LRP1B: variants seen among roughly 807,000 people sequenced by gnomAD.
LRP1B encodes the protein LDL receptor related protein 1B.
LRP1B carries 217 observed loss-of-function variants against 556.6 expected under a neutral mutation model. That is an observed-to-expected ratio of 0.39 (90% CI 0.35 to 0.44). LRP1B has a LOEUF of 0.44. LRP1B is among the 20% of genes least tolerant of loss of function. LRP1B has a pLI of 1.00. For synonymous variants in LRP1B, 2,047 were observed against 1,865.8 expected (o/e 1.10, Z -2.50); for missense variants, 5,053 against 5,620.8 (o/e 0.90, Z 3.23).
Position 140,370,805 on chromosome 2 carries a change from C to G in LRP1B, c.10913G>C (p.Arg3638Pro). The G allele has an allele frequency of 2.5e-6, 4 of 1,612,554 alleles. No homozygotes were observed. The highest frequency in any genetic ancestry group is 3.4e-6 in the Non-Finnish European group (4 of 1,179,028). ...CVTECKEDQF[R>P]CKNKAHCIPI... is the part of the protein sequence containing the mutation. ...AATACAGTGGGCTTTATTTTTGCAC[C>G]GAAACTGATCTTCCTTACATTCAGT... Residue 3638 changes from arginine (R) to proline (P), a missense_variant, in exon 71 of 91, where the codon CGG becomes CCG. Arg to Pro is a moderately radical substitution (Grantham distance 103). This residue lies in a region of LRP1B where 599 missense variants were observed against 648.4 expected (regional missense o/e 0.92). Transcript: ENST00000389484.
chr2:141,776,535 C>T (rs542740369), intron 2 of LRP1B, among the ~76,000 whole-genome samples: 9 of 152,234 alleles, frequency 5.9e-5, no homozygotes, highest in African/African-American at 2.2e-4. Flanking sequence ...CTTTTTTAAA[C>T]TGGATTACAC....
chr2:141,455,411 C>T (rs142417167), intron 3 of LRP1B, among the ~76,000 whole-genome samples: 327 of 152,296 alleles, frequency 2.1e-3, no homozygotes, highest in Non-Finnish European at 3.7e-3. Flanking sequence ...TCTGTATCTT[C>T]TCAGTGTTCA....
chr2:141,805,872 G>C (rs1478472653), intron 2 of LRP1B: 2 of 152,118 alleles, frequency 1.3e-5, no homozygotes, highest in East Asian at 3.9e-4. Flanking sequence ...GGACAGGACA[G>C]AGAAGAGTCC....
At chr2:140,551,525 T>C (rs1422381748) in intron 43 of LRP1B, among the ~76,000 whole-genome samples, 1 of 152,146 alleles carries the variant, frequency 6.6e-6, no homozygotes, top group Admixed American at 6.6e-5. Context: ...TATAACACAT[T>C]CCTTTCTACA....
chr2:141,531,572 T>C (rs1258344890), intron 2 of LRP1B, among the ~76,000 whole-genome samples: 4 of 152,134 alleles, frequency 2.6e-5, no homozygotes, highest in Non-Finnish European at 5.9e-5. Flanking sequence ...GTTTCAACAA[T>C]AAACCATTTC....
At chr2:141,620,480 GA>G (rs1688462023) in intron 2 of LRP1B, among the ~76,000 whole-genome samples, 1 of 152,164 alleles carries the variant, frequency 6.6e-6, no homozygotes, top group Non-Finnish European at 1.5e-5. Context: ...ATGGCATGTA[GA>G]AGAGGCAATA....
Position 140,654,025 on chromosome 2 carries a change from C to CAAAAA in LRP1B, c.6799+46220_6799+46224dup, listed in dbSNP as rs61199077. Among the ~76,000 whole-genome samples, 50 of 35,378 alleles carry CAAAAA rather than the reference C, an allele frequency of 1.4e-3. 1 individual carries two copies. The highest frequency in any genetic ancestry group is 1.7e-3 in the African/African-American group (18 of 10,792). The allele number at this position is 35,378 out of a possible 152,430, so 23.2% of individuals were successfully genotyped here. A position where few individuals can be genotyped will look rare whatever the true frequency, so the allele number is the denominator to read the frequency against. Reference sequence around the variant, plus strand: ...GGGAGACAAGAGCAAGACTCCATCTCAAAAAAAAAAAAAAAAAAAAAAAAA... The same window carrying CAAAAA: ...GGGAGACAAGAGCAAGACTCCATCTCAAAAAAAAAAAAAAAAAAAAAAAAAAAAAA... On this transcript the variant is annotated intron_variant, in intron 41 of 90. Transcript: ENST00000389484.
At chr2:141,657,008 G>A (rs768890363) in intron 2 of LRP1B, among the ~76,000 whole-genome samples, 1 of 152,024 alleles carries the variant, frequency 6.6e-6, no homozygotes, top group Non-Finnish European at 1.5e-5. Context: ...GGATTTCTAA[G>A]CTCTTTTGGA....
chr2:141,480,590 T>A (rs1315330442), intron 2 of LRP1B, 57 bp from the exon 3 acceptor site: 10 of 1,544,754 alleles, frequency 6.5e-6, no homozygotes, highest in Non-Finnish European at 8.1e-6. Flanking sequence ...ATGGTAAAAC[T>A]GTTAAGCACA....
chr2:141,431,108 C>T (rs953302494), intron 3 of LRP1B, among the ~76,000 whole-genome samples: 8 of 146,940 alleles, frequency 5.4e-5, no homozygotes, highest in Non-Finnish European at 1.5e-5. Flanking sequence ...TGCATGCTAG[C>T]CTGAGCAAGA....
At chr2:141,855,844 T>C (rs1236332348) in intron 1 of LRP1B, among the ~76,000 whole-genome samples, 1 of 152,186 alleles carries the variant, frequency 6.6e-6, no homozygotes, top group Non-Finnish European at 1.5e-5. Context: ...CTTGTTGAAT[T>C]AATGACTAAA....
chr2:141,212,764 C>A (rs896497982), intron 6 of LRP1B, among the ~76,000 whole-genome samples: 6 of 151,898 alleles, frequency 4.0e-5, no homozygotes, highest in African/African-American at 1.5e-4. Context: ...AGGTCAAGTA[C>A]CTTATATAAA....
chr2:141,468,991 C>T (rs1440402148), intron 3 of LRP1B, among the ~76,000 whole-genome samples: 4 of 152,060 alleles, frequency 2.6e-5, no homozygotes, highest in Non-Finnish European at 5.9e-5. Flanking sequence ...GTTGTTGGAC[C>T]GGTTCTACAA....
chr2:140,756,360 C>T lies in LRP1B; in HGVS notation c.5758+12853G>A, dbSNP rs570162206. Reference sequence around the variant, plus strand: ...TTAAACTCATAAGACAATACAAGGACTCAAAAATAACCAAAAAAGTCTTGA... The same window carrying T: ...TTAAACTCATAAGACAATACAAGGATTCAAAAATAACCAAAAAAGTCTTGA... On this transcript the variant is annotated intron_variant, in intron 35 of 90. Transcript: ENST00000389484. Among the ~76,000 whole-genome samples the T allele has an allele frequency of 1.2e-3, 182 of 152,038 alleles. 1 individual carries two copies. Among genetic ancestry groups the T allele is most frequent in the African/African-American group, 2.8e-3 (118 of 41,518 alleles).
chr2:141,227,788 A>G (rs192170140), intron 6 of LRP1B, among the ~76,000 whole-genome samples: 106 of 152,330 alleles, frequency 7.0e-4, no homozygotes, highest in African/African-American at 2.3e-3. Context: ...ATTTCTTTAC[A>G]TAAGGGTTAA....
intron 35 of LRP1B, among the ~76,000 whole-genome samples, chr2:140,751,706 C>A (rs576521657): frequency 2.8e-4 from 42 of 152,216 alleles, no homozygotes; most frequent in Non-Finnish European, 5.4e-4. Context: ...GACAGCATCT[C>A]CCTCAATAAA....
intron 1 of LRP1B, among the ~76,000 whole-genome samples, chr2:141,875,821 G>A (rs186445716): frequency 1.6e-3 from 249 of 151,956 alleles, no homozygotes; most frequent in African/African-American, 5.8e-3. Flanking sequence ...ATGTATATGT[G>A]TATGTATGCG....
intron 49 of LRP1B, among the ~76,000 whole-genome samples, chr2:140,522,437 G>A (rs1432994610): frequency 1.3e-5 from 2 of 151,784 alleles, no homozygotes; most frequent in Non-Finnish European, 2.9e-5. Context: ...GTATTAAAAG[G>A]AAGGTTTATA....
At chr2:140,837,058 A>G (rs774499456) in intron 31 of LRP1B, among the ~76,000 whole-genome samples, 16 of 152,336 alleles carry the variant, frequency 1.1e-4, no homozygotes, top group Non-Finnish European at 2.1e-4. Context: ...TAGAGTCTTA[A>G]TACTACAATC....
Sources: gnomAD v4.1 joint callset for allele counts (sites outside exome capture counted in the v4.1 genomes callset) on GRCh38, gnomAD v4.1.1 for gene constraint, gnomAD v4.1.1 regional missense constraint, MANE v1.5 for transcripts, NCBI Gene and HGNC (gene_info 2026-07-23, HGNC 2026-07-21) for gene names.